GMPPA: variants seen among roughly 807,000 people sequenced by gnomAD.
The protein encoded by GMPPA is mannose-1-phosphate guanylyltransferase regulatory subunit alpha.
In GMPPA, 46 loss-of-function variants were observed where a neutral mutation model predicts 58.6. The observed-to-expected ratio is 0.78, with a 90% CI of 0.62 to 1.00. The LOEUF (loss-of-function observed/expected upper bound fraction) is 1.00, where lower values mean the gene tolerates loss of function less well. GMPPA is among the 50% of genes least tolerant of loss of function. GMPPA has a pLI of 0.00. For synonymous variants in GMPPA, 211 were observed against 214.9 expected (o/e 0.98, Z 0.16); for missense variants, 468 against 556.4 (o/e 0.84, Z 1.60).
rs954130278 is a variant in GMPPA, at chr2:219,505,293, C to G, written c.686C>G (p.Ala229Gly). 4 of 1,614,088 alleles carry G rather than the reference C, an allele frequency of 2.5e-6. No individual in the cohort carries two copies. Among genetic ancestry groups the G allele is most frequent in the Non-Finnish European group, 2.5e-6 (3 of 1,179,940 alleles). ...CGCCTAGAGCAGGATGTGTTTTCAG[C>G]CCTGGCAGGGCAGGGCCAGATATAC... ...TIRLEQDVFS[A>G]LAGQGQIYVH... Residue 229 changes from alanine to glycine, a missense_variant, in exon 8 of 13, where the codon GCC (alanine) becomes GGC (glycine). By Grantham distance (60) the Ala-to-Gly change is moderately conservative. Coordinates refer to ENST00000313597, the MANE Select transcript of GMPPA (RefSeq NM_013335.4).
At chr2:219,506,509 C>G in intron 12 of GMPPA, 87 bp downstream of exon 12, 1 of 1,331,158 alleles carries the variant, frequency 7.5e-7, no homozygotes, top group South Asian at 1.3e-5. Flanking sequence ...TGTGTGCACG[C>G]GTGTTTCTTC....
intron 1 of GMPPA, 124 bp from the exon 2 acceptor site, chr2:219,499,832 C>G (rs1348265531): frequency 1.3e-5 from 10 of 746,520 alleles, no homozygotes; most frequent in South Asian, 3.0e-5. Flanking sequence ...GGTGTTGGGT[C>G]CAGGCAGAGA....
chr2:219,506,391 C>A lies in GMPPA; in HGVS notation c.1131C>A (p.Asp377Glu). 1 of 1,613,298 alleles carries A rather than the reference C, an allele frequency of 6.2e-7. No homozygotes were observed. The highest frequency in any genetic ancestry group is 1.3e-5 in the African/African-American group (1 of 75,076). Residue 377 changes from aspartate (D) to glutamate (E), a missense_variant, in exon 12 of 13, where the codon GAC (aspartate) becomes GAA (glutamate). Physicochemically the swap from Asp to Glu is conservative, Grantham distance 45. Coordinates refer to ENST00000313597, the MANE Select transcript of GMPPA (RefSeq NM_013335.4). ...ARMDSESLFK[D>E]GKLLPAITIL... ...TGGACAGTGAGAGCCTCTTCAAGGA[C>A]GGGAAGCTGCTGCCTGCTATCACCA...
chr2:219,505,713 A>G lies in GMPPA; in HGVS notation c.854-2A>G. 6.2e-7 allele frequency: 1 copy of G among 1,612,522 alleles called. No homozygotes were observed. Among genetic ancestry groups the G allele is most frequent in the Non-Finnish European group, 8.5e-7 (1 of 1,179,770 alleles). On this transcript the variant is annotated splice_acceptor_variant, in intron 9 of 12. Coordinates refer to ENST00000313597, the MANE Select transcript of GMPPA (RefSeq NM_013335.4). LOFTEE classifies it high-confidence loss of function. ...CCCCCAGGGCCTCTCTTCTGCTTCTAGGGAATGTGTACATCCACCCGACCG... is the reference window on the plus strand; with the variant it reads ...CCCCCAGGGCCTCTCTTCTGCTTCTGGGGAATGTGTACATCCACCCGACCG...
chr2:219,500,302 C>T, intron 3 of GMPPA, 84 bp downstream of exon 3: 1 of 787,780 alleles, frequency 1.3e-6, no homozygotes, highest in Non-Finnish European at 2.2e-6. Flanking sequence ...GAACTCTTCC[C>T]ACCAGGCATA....
Position 219,502,363 on chromosome 2 carries a change from G to C in GMPPA, c.430-19G>C, listed in dbSNP as rs759809904. The C allele has an allele frequency of 1.2e-6, 2 of 1,611,532 alleles. No homozygotes were observed. Among genetic ancestry groups the C allele is most frequent in the African/African-American group, 2.7e-5 (2 of 74,832 alleles). On this transcript the variant is annotated intron_variant, in intron 5 of 12. Transcript: ENST00000313597. This position sits in a 1 kb window ranked among gnomAD's most constrained non-coding sequence, Gnocchi z 4.0. ...CCTGGAGCAGGCGGGTCACTGTCTCGGGTGTGTCTGTCTTTCAGGCTAACA... is the reference window on the plus strand; with the variant it reads ...CCTGGAGCAGGCGGGTCACTGTCTCCGGTGTGTCTGTCTTTCAGGCTAACA...
chr2:219,503,385 A>G (rs1194299387), intron 6 of GMPPA, among the ~76,000 whole-genome samples: 1 of 152,174 alleles, frequency 6.6e-6, no homozygotes, highest in Admixed American at 6.5e-5. Context: ...TCAGCCTTCC[A>G]AAGTGCTAGG....
chr2:219,504,399 T>A, intron 7 of GMPPA, 186 bp downstream of exon 7: 1 of 603,176 alleles, frequency 1.7e-6, no homozygotes, highest in Non-Finnish European at 2.9e-6. Flanking sequence ...CCCTCTTCCT[T>A]ATCCATCCCA....
At position 219,505,724 on chromosome 2, in the gene GMPPA, A is replaced by G; in HGVS notation, c.863A>G (p.Tyr288Cys). 6.2e-7 allele frequency: 1 copy of G among 1,611,774 alleles called. No individual in the cohort carries two copies. Among genetic ancestry groups the G allele is most frequent in the East Asian group, 2.2e-5 (1 of 44,866 alleles). Residue 288 changes from tyrosine to cysteine, a missense_variant, in exon 10 of 13, where the codon TAC becomes TGC. Tyr to Cys is a radical substitution (Grantham distance 194). Coordinates refer to ENST00000313597, the MANE Select transcript of GMPPA (RefSeq NM_013335.4). ...TCTCTTCTGCTTCTAGGGAATGTGT[A>G]CATCCACCCGACCGCCAAGGTGGCC... ...PGGPWIRGNVYIHPTAKVAPS... is the reference protein window; with the variant it reads ...PGGPWIRGNVCIHPTAKVAPS...
rs1392315121 is a variant in GMPPA at position 219,506,942 on chromosome 2, C to T, written c.*144C>T. 2 of 625,152 alleles carry T rather than the reference C, an allele frequency of 3.2e-6. No homozygotes were observed. Among genetic ancestry groups the T allele is most frequent in the Non-Finnish European group, 5.8e-6 (2 of 346,650 alleles). 38.7% of individuals were successfully genotyped at this position (625,152 alleles called of 1,614,324 possible). ...AGCAATGTGGATGGCCTGGGGACTC[C>T]TGGGTTTTCTCCCTCCCGACTCCCT... On this transcript the variant is annotated 3_prime_UTR_variant, in exon 13 of 13. Coordinates refer to ENST00000313597, the MANE Select transcript of GMPPA (RefSeq NM_013335.4).
chr2:219,500,101 TCTC>T lies in GMPPA; in HGVS notation c.41-16_41-14del, dbSNP rs1275336328. ...AGAGGAAGGCAGGAGGCCGAAATGT[TCTC>T]CTCTCTCCTCTCCCAGGAACTCGCT... is the stretch of plus-strand genomic sequence containing the variant. On this transcript the variant is annotated splice_polypyrimidine_tract_variant and intron_variant, in intron 2 of 12. Coordinates refer to ENST00000313597, the MANE Select transcript of GMPPA (RefSeq NM_013335.4). The T allele has an allele frequency of 6.3e-7, 1 of 1,599,576 alleles. No homozygotes were observed. The highest frequency in any genetic ancestry group is 8.6e-7 in the Non-Finnish European group (1 of 1,168,416).
At position 219,501,904 on chromosome 2, in the gene GMPPA, G is replaced by C; in HGVS notation, c.296G>C (p.Arg99Pro). 2 of 1,614,170 alleles carry C rather than the reference G, an allele frequency of 1.2e-6. No homozygotes were observed. Among genetic ancestry groups the C allele is most frequent in the African/African-American group, 1.3e-5 (1 of 75,050 alleles). The change falls in exon 5 of 13, where the codon CGA (arginine) becomes CCA (proline). Residue 99 changes from arginine (R) to proline (P), a missense_variant. Physicochemically the swap from Arg to Pro is moderately radical, Grantham distance 103. Coordinates refer to ENST00000313597, the MANE Select transcript of GMPPA (RefSeq NM_013335.4). ...LGTGGGLYHF[R>P]DQILAGSPEA... The stretch of plus-strand genomic sequence containing the variant: ...ACAGGGGGTGGTCTTTACCATTTTC[G>C]AGACCAGATCCTGGCTGGGAGCCCC...
chr2:219,502,270 T>A lies in GMPPA; in HGVS notation c.430-112T>A. ...TCAGTTTCCACCCTTGCTGAAGGCC[T>A]GTCAGTGGCAGAGCTGCATGCCAGG... is the stretch of plus-strand genomic sequence containing the variant. On this transcript the variant is annotated intron_variant, in intron 5 of 12. Coordinates refer to ENST00000313597, the MANE Select transcript of GMPPA (RefSeq NM_013335.4). The surrounding 1 kb of genome is among the most constrained non-coding windows in gnomAD (Gnocchi z 4.0). 2.0e-6 allele frequency: 2 copies of A among 1,005,176 alleles called. No individual in the cohort carries two copies. The highest frequency in any genetic ancestry group is 3.8e-5 in the Admixed American group (2 of 52,560). 62.3% of individuals were successfully genotyped at this position (1,005,176 alleles called of 1,614,324 possible). A position where few individuals can be genotyped will look rare whatever the true frequency, so the allele number is the denominator to read the frequency against.
chr2:219,504,984 C>A, intron 7 of GMPPA: 2 of 922,012 alleles, frequency 2.2e-6, no homozygotes, highest in Non-Finnish European at 3.1e-6. Flanking sequence ...GGAAATGGGG[C>A]AGGGATGGGA....
chr2:219,502,122 G>T lies in GMPPA; in HGVS notation c.429+85G>T. 7.2e-7 allele frequency: 1 copy of T among 1,385,134 alleles called. No individual in the cohort carries two copies. The highest frequency in any genetic ancestry group is 1.0e-6 in the Non-Finnish European group (1 of 990,656). The allele number at this position is 1,385,134 out of a possible 1,614,324, so 85.8% of individuals were successfully genotyped here. Reference sequence around the variant, plus strand: ...TTCAGGGTGTTGGGGAGGCAGGGGCGCCCCGGGAGTTGGTGTGGGAGCTGG... The same window carrying T: ...TTCAGGGTGTTGGGGAGGCAGGGGCTCCCCGGGAGTTGGTGTGGGAGCTGG... On this transcript the variant is annotated intron_variant, in intron 5 of 12. Coordinates refer to ENST00000313597, the MANE Select transcript of GMPPA (RefSeq NM_013335.4). This position sits in a 1 kb window ranked among gnomAD's most constrained non-coding sequence, Gnocchi z 4.0.
chr2:219,506,306 G>T lies in GMPPA; in HGVS notation c.1046G>T (p.Arg349Leu), dbSNP rs568570865. 6.2e-7 allele frequency: 1 copy of T among 1,613,814 alleles called. No homozygotes were observed. The highest frequency in any genetic ancestry group is 8.5e-7 in the Non-Finnish European group (1 of 1,179,900). The change falls in exon 12 of 13, where the codon CGC becomes CTC. Residue 349 changes from arginine (R) to leucine (L), a missense_variant. Transcript: ENST00000313597. ...SIVGWGSTVG[R>L]WARVEGTPSD... ...GTGGGCTGGGGGAGCACCGTGGGAC[G>T]CTGGGCCCGCGTGGAGGGTACCCCC...
At position 219,502,573 on chromosome 2, in the gene GMPPA, A is replaced by C. The variant is rs2125631880; in HGVS notation, c.489+132A>C. The C allele has an allele frequency of 2.9e-6, 2 of 686,120 alleles. No homozygotes were observed. The highest frequency in any genetic ancestry group is 1.7e-5 in the South Asian group (1 of 59,884). The allele number at this position is 686,120 out of a possible 1,614,324, so 42.5% of individuals were successfully genotyped here. On this transcript the variant is annotated intron_variant, in intron 6 of 12. Coordinates refer to ENST00000313597, the MANE Select transcript of GMPPA (RefSeq NM_013335.4). This position sits in a 1 kb window ranked among gnomAD's most constrained non-coding sequence, Gnocchi z 4.0. ...TCAGACAGGTGAGACACTCCCGATT[A>C]ATCATCTTATATCCCTTTAAGAGAG...
chr2:219,506,983 C>G lies in GMPPA; in HGVS notation c.*185C>G. The G allele has an allele frequency of 1.7e-6, 1 of 602,718 alleles. No homozygotes were observed. The highest frequency in any genetic ancestry group is 3.0e-6 in the Non-Finnish European group (1 of 337,216). 37.3% of individuals were successfully genotyped at this position (602,718 alleles called of 1,614,324 possible). A position where few individuals can be genotyped will look rare whatever the true frequency, so the allele number is the denominator to read the frequency against. On this transcript the variant is annotated 3_prime_UTR_variant, in exon 13 of 13. Coordinates refer to ENST00000313597, the MANE Select transcript of GMPPA (RefSeq NM_013335.4). ...CCGACTCCCTAATAAACCCCGTGAA[C>G]CTTGGAGCCAGCACAGACTGTACTT...
chr2:219,502,556 G>A lies in GMPPA; in HGVS notation c.489+115G>A. On this transcript the variant is annotated intron_variant, in intron 6 of 12. Transcript: ENST00000313597. The surrounding 1 kb of genome is among the most constrained non-coding windows in gnomAD (Gnocchi z 4.0). ...GGTGGGCTCTAGTCTTGTCAGACAG[G>A]TGAGACACTCCCGATTAATCATCTT... 1 of 757,930 alleles carries A rather than the reference G, an allele frequency of 1.3e-6. No homozygotes were observed. Among genetic ancestry groups the A allele is most frequent in the South Asian group, 1.5e-5 (1 of 65,810 alleles). The allele number at this position is 757,930 out of a possible 1,614,324, so 47.0% of individuals were successfully genotyped here.
Sources: allele counts gnomAD v4.1 joint callset (sites outside exome capture counted in the v4.1 genomes callset), GRCh38; gene constraint gnomAD v4.1.1; non-coding constraint Gnocchi (gnomAD v3.1); transcripts MANE v1.5; gene names NCBI Gene and HGNC (gene_info 2026-07-23, HGNC 2026-07-21).